The following FHIT variants were observed in gnomAD, a reference collection of about 807,000 sequenced individuals.
FHIT encodes the protein bis(5'-adenosyl)-triphosphatase.
FHIT carries 19 observed loss-of-function variants against 17.9 expected under a neutral mutation model. The observed-to-expected ratio is 1.06, with a 90% CI of 0.74 to 1.56. The LOEUF (loss-of-function observed/expected upper bound fraction) is 1.56, where lower values mean the gene tolerates loss of function less well. FHIT is among the 40% of genes most tolerant of loss of function. The pLI is 0.00. For synonymous variants in FHIT, 81 were observed against 69.7 expected (o/e 1.16, Z -0.81); for missense variants, 248 against 189.2 (o/e 1.31, Z -1.82).
chr3:59,956,787 G>A (rs543539037), intron 7 of FHIT, among the ~76,000 whole-genome samples: 1 of 152,312 alleles, frequency 6.6e-6, no homozygotes, highest in Admixed American at 6.5e-5. Flanking sequence ...AACAAAATGT[G>A]TGAAGCACTG....
At chr3:59,809,741 A>G (rs533024822) in intron 8 of FHIT, among the ~76,000 whole-genome samples, 1 of 152,266 alleles carries the variant, frequency 6.6e-6, no homozygotes, top group African/African-American at 2.4e-5. Flanking sequence ...GGAGAAGAGA[A>G]GATTGGCCTC....
chr3:61,105,611 AG>A (rs2035967251), intron 2 of FHIT, among the ~76,000 whole-genome samples: 1 of 152,112 alleles, frequency 6.6e-6, no homozygotes, highest in Admixed American at 6.6e-5. Flanking sequence ...AAAGCAAAAA[AG>A]TCTGGGATCA....
rs1709494033 is a variant in FHIT at position 60,322,804 on chromosome 3, A to T, written c.103+214056T>A. 3.3e-5 allele frequency among the ~76,000 whole-genome samples: 5 copies of T among 152,232 alleles called. No individual in the cohort carries two copies. In the South Asian group the frequency reaches 1.0e-3, roughly 32 times the overall value. ...AGGAAGTACTATTTTTGTGCCCTTG[A>T]TTATCACATTACAAAGACAGAAACT... On this transcript the variant is annotated intron_variant, in intron 5 of 9. Coordinates refer to ENST00000492590, the MANE Select transcript of FHIT (RefSeq NM_002012.4).
intron 5 of FHIT, among the ~76,000 whole-genome samples, chr3:60,174,939 G>C (rs1277787401): frequency 6.6e-6 from 1 of 152,134 alleles, no homozygotes; most frequent in African/African-American, 2.4e-5. Flanking sequence ...AGTTAACACA[G>C]TGCCTGGCAC....
At position 60,405,108 on chromosome 3, in the gene FHIT, G is replaced by A. The variant is rs374081044; in HGVS notation, c.103+131752C>T. On this transcript the variant is annotated intron_variant, in intron 5 of 9. Transcript: ENST00000492590. ...GATGGGATAGGGGTAGGTACCAGGT[G>A]GAACCCCACTTCCAAGCCAAAGACA... is the stretch of plus-strand genomic sequence containing the variant. Among the ~76,000 whole-genome samples the A allele has an allele frequency of 1.3e-5, 2 of 152,278 alleles. 1 individual carries two copies.
intron 5 of FHIT, among the ~76,000 whole-genome samples, chr3:60,452,850 A>C (rs1338625912): frequency 6.6e-6 from 1 of 152,202 alleles, no homozygotes; most frequent in African/African-American, 2.4e-5. Flanking sequence ...TAGATTAAAA[A>C]ACAAGGTACA....
chr3:59,993,318 G>T (rs537056532), intron 7 of FHIT, among the ~76,000 whole-genome samples: 2 of 152,170 alleles, frequency 1.3e-5, no homozygotes, highest in South Asian at 2.1e-4. Flanking sequence ...CCTGGAGCTT[G>T]TAACAACATC....
intron 4 of FHIT, among the ~76,000 whole-genome samples, chr3:60,548,663 G>C (rs1247801670): frequency 6.6e-6 from 1 of 152,154 alleles, no homozygotes; most frequent in African/African-American, 2.4e-5. Context: ...CATCACTTGA[G>C]AGTTGTAAGA....
chr3:60,016,457 G>C (rs1700348373), intron 5 of FHIT, among the ~76,000 whole-genome samples: 1 of 152,072 alleles, frequency 6.6e-6, no homozygotes, highest in African/African-American at 2.4e-5. Flanking sequence ...CAGTGGATTG[G>C]GCTGGCAACC....
chr3:60,113,723 C>T lies in FHIT; in HGVS notation c.104-99571G>A, dbSNP rs574922250. Among the ~76,000 whole-genome samples, 284 of 151,238 alleles carry T rather than the reference C, an allele frequency of 1.9e-3. 1 individual carries two copies. Among genetic ancestry groups the T allele is most frequent in the Non-Finnish European group, 1.2e-3 (79 of 67,940 alleles). On this transcript the variant is annotated intron_variant, in intron 5 of 9. Transcript: ENST00000492590. ...TCAATGATAAATTTTATCATTGGGC[C>T]GGGCGCGGTGGCTCACACCTGTTAT...
Position 60,988,946 on chromosome 3 carries a change from T to TAAA in FHIT, c.-111+53098_-111+53100dup, listed in dbSNP as rs535898632. On this transcript the variant is annotated intron_variant, in intron 3 of 9. Transcript: ENST00000492590. ...TTTTTTCAAATGGCCATGGCTTTGT[T>TAAA]AAAAAAAAAAAAAAAAAAAAAAAAA... Among the ~76,000 whole-genome samples the TAAA allele has an allele frequency of 8.4e-3, 289 of 34,330 alleles. 33 individuals carry two copies. Among genetic ancestry groups the TAAA allele is most frequent in the East Asian group, 0.033 (41 of 1,258 alleles). The allele number at this position is 34,330 out of a possible 152,430, so 22.5% of individuals were successfully genotyped here.
At chr3:59,878,676 T>G (rs73100629) in intron 8 of FHIT, among the ~76,000 whole-genome samples, 3,328 of 152,230 alleles carry the variant, frequency 0.022, 45 homozygotes, top group South Asian at 0.064. Flanking sequence ...AAAAACAATA[T>G]AAAGACATTA....
intron 5 of FHIT, among the ~76,000 whole-genome samples, chr3:60,223,567 G>C (rs1704057276): frequency 6.6e-6 from 1 of 152,104 alleles, no homozygotes; most frequent in South Asian, 2.1e-4. Flanking sequence ...AGCTTGTTGA[G>C]AAACCCTACT....
At chr3:60,326,888 C>T (rs1709719803) in intron 5 of FHIT, among the ~76,000 whole-genome samples, 1 of 152,148 alleles carries the variant, frequency 6.6e-6, no homozygotes, top group Admixed American at 6.5e-5. Flanking sequence ...CTCAGCTTTC[C>T]ATGATCACAG....
At chr3:60,459,653 A>C (rs1299172909) in intron 5 of FHIT, among the ~76,000 whole-genome samples, 1 of 152,226 alleles carries the variant, frequency 6.6e-6, no homozygotes, top group African/African-American at 2.4e-5. Context: ...ATTTTCCACA[A>C]AATAGCCTTT....
At chr3:60,187,906 C>T (rs1181157281) in intron 5 of FHIT, among the ~76,000 whole-genome samples, 1 of 152,004 alleles carries the variant, frequency 6.6e-6, no homozygotes, top group East Asian at 1.9e-4. Flanking sequence ...TACAATTCTA[C>T]CTATTTATGT....
At chr3:60,753,994 A>G (rs2042521192) in intron 4 of FHIT, among the ~76,000 whole-genome samples, 1 of 152,170 alleles carries the variant, frequency 6.6e-6, no homozygotes, top group Non-Finnish European at 1.5e-5. Flanking sequence ...TTTCCCAGCA[A>G]AAGGAAAAGG....
At chr3:59,969,200 T>C (rs1420394194) in intron 7 of FHIT, among the ~76,000 whole-genome samples, 1 of 152,200 alleles carries the variant, frequency 6.6e-6, no homozygotes, top group Non-Finnish European at 1.5e-5. Flanking sequence ...GTTCTACGCA[T>C]ATTTACTGTG....
At chr3:59,982,836 G>A (rs762752368) in intron 7 of FHIT, among the ~76,000 whole-genome samples, 6 of 152,082 alleles carry the variant, frequency 3.9e-5, no homozygotes, top group East Asian at 1.9e-4. Flanking sequence ...AGACATCTCC[G>A]TGGCTTCTAC....
Sources: allele counts gnomAD v4.1 joint callset (sites outside exome capture counted in the v4.1 genomes callset), GRCh38; gene constraint gnomAD v4.1.1; transcripts MANE v1.5; gene names NCBI Gene and HGNC (gene_info 2026-07-23, HGNC 2026-07-21).